SRGAP1: variants seen among roughly 807,000 people sequenced by gnomAD.
SRGAP1 encodes the protein SLIT-ROBO Rho GTPase activating protein 1.
In SRGAP1, 43 loss-of-function variants were observed where a neutral mutation model predicts 121.9. The ratio of observed to expected loss-of-function variants is 0.35; its 90% CI spans 0.28 to 0.46. The LOEUF (loss-of-function observed/expected upper bound fraction) is 0.46, where lower values mean the gene tolerates loss of function less well. Ranked by LOEUF, SRGAP1 falls within the 20% of genes least tolerant of loss-of-function variation. SRGAP1 has a pLI of 1.00. For missense variants in SRGAP1, 1,102 were observed against 1,350.9 expected, an observed-to-expected ratio of 0.82 and a Z score of 2.89; for synonymous variants, 447 against 485.4, an observed-to-expected ratio of 0.92 and a Z score of 1.04.
At chr12:63,874,273 G>A (rs563282714) in intron 1 of SRGAP1, among the ~76,000 whole-genome samples, 4 of 151,628 alleles carry the variant, frequency 2.6e-5, no homozygotes, top group South Asian at 4.2e-4. Context: ...GCACGATCTC[G>A]GCTCGCTGCA....
At position 64,086,935 on chromosome 12, in the gene SRGAP1, A is replaced by G. The variant is rs374735278; in HGVS notation, c.1409-64A>G. 1.4e-5 allele frequency: 17 copies of G among 1,242,568 alleles called. No homozygotes were observed. The African/African-American group carries it at 2.5e-4, about 19-fold the overall frequency. The allele number at this position is 1,242,568 out of a possible 1,614,324, so 77.0% of individuals were successfully genotyped here. A position where few individuals can be genotyped will look rare whatever the true frequency, so the allele number is the denominator to read the frequency against. ...TTAAAATACCGGATAGGAGATACAA[A>G]AGAGTACCACATACACTCTGCTGAT... is the stretch of plus-strand genomic sequence containing the variant. On this transcript the variant is annotated intron_variant, in intron 10 of 21. Coordinates refer to ENST00000355086, the MANE Select transcript of SRGAP1 (RefSeq NM_020762.4).
At chr12:63,949,396 TTTATTATTATTATTATTATTA>T (rs71089906) in intron 1 of SRGAP1, among the ~76,000 whole-genome samples, 10,354 of 126,018 alleles carry the variant, frequency 0.082, 502 homozygotes, top group Non-Finnish European at 0.11. Flanking sequence ...ATTTTTATTA[TTTATTATTATTATTATTATTA>T]TTATTATTAT....
Position 64,142,378 on chromosome 12 carries a change from G to T in SRGAP1, c.2964G>T (p.Val988=). The T allele has an allele frequency of 6.2e-7, 1 of 1,614,002 alleles. No individual in the cohort carries two copies. The highest frequency in any genetic ancestry group is 8.5e-7 in the Non-Finnish European group (1 of 1,180,000). Residue 988 remains valine (V), a synonymous_variant, in exon 22 of 22, where the codon GTG becomes GTT. Coordinates refer to ENST00000355086, the MANE Select transcript of SRGAP1 (RefSeq NM_020762.4). The part of the protein sequence containing the change: ...RQSTAKHAPD[V]VLDTLEQVKN... ...GCACAGCAAAGCATGCCCCTGATGTGGTGCTGGATACCCTGGAGCAAGTGA... is the reference window on the plus strand; with the variant it reads ...GCACAGCAAAGCATGCCCCTGATGTTGTGCTGGATACCCTGGAGCAAGTGA...
At chr12:64,137,187 C>G (rs1421715404) in intron 21 of SRGAP1, among the ~76,000 whole-genome samples, 1 of 151,822 alleles carries the variant, frequency 6.6e-6, no homozygotes, top group Non-Finnish European at 1.5e-5. Flanking sequence ...TCACTTGAAC[C>G]CAGGAGGCGG....
At chr12:63,861,009 T>G (rs144254164) in intron 1 of SRGAP1, among the ~76,000 whole-genome samples, 267 of 152,086 alleles carry the variant, frequency 1.8e-3, no homozygotes, top group African/African-American at 6.0e-3. Context: ...CCCTTTTACT[T>G]TTCTCATGGG....
chr12:63,865,224 A>T (rs902190718), intron 1 of SRGAP1, among the ~76,000 whole-genome samples: 1 of 152,166 alleles, frequency 6.6e-6, no homozygotes, highest in African/African-American at 2.4e-5. Context: ...TGGGAGGCTG[A>T]GGCGGGCAGA....
intron 1 of SRGAP1, among the ~76,000 whole-genome samples, chr12:63,845,938 A>G (rs1898889305): frequency 6.6e-6 from 1 of 152,216 alleles, no homozygotes; most frequent in African/African-American, 2.4e-5. Context: ...CCCTTGAGCA[A>G]GGGAGGAGCA....
intron 3 of SRGAP1, among the ~76,000 whole-genome samples, chr12:64,005,478 CA>C (rs1180947665): frequency 6.6e-6 from 1 of 151,868 alleles, no homozygotes. Context: ...CCCCATTTTA[CA>C]AAAATAAAAA....
At chr12:63,851,618 T>A (rs563790120) in intron 1 of SRGAP1, among the ~76,000 whole-genome samples, 1 of 151,202 alleles carries the variant, frequency 6.6e-6, no homozygotes, top group African/African-American at 2.4e-5. Flanking sequence ...GACCGAGTCT[T>A]GCTCTGTCAC....
At chr12:64,100,682 A>T (rs2036239493) in intron 15 of SRGAP1, among the ~76,000 whole-genome samples, 1 of 152,188 alleles carries the variant, frequency 6.6e-6, no homozygotes, top group African/African-American at 2.4e-5. Flanking sequence ...TTTCAAAAAC[A>T]TACATATTGA....
chr12:64,012,016 C>T (rs2034266539), intron 3 of SRGAP1, among the ~76,000 whole-genome samples: 1 of 151,682 alleles, frequency 6.6e-6, no homozygotes, highest in Admixed American at 6.6e-5. Context: ...GGGAGAATCT[C>T]AGGCCACTGC....
chr12:64,097,549 G>A (rs2036182782), intron 15 of SRGAP1, 174 bp downstream of exon 15: 1 of 657,668 alleles, frequency 1.5e-6, no homozygotes, highest in African/African-American at 1.9e-5. Flanking sequence ...TCCCAGCTGT[G>A]GCCTCACCCT....
Position 64,142,513 on chromosome 12 carries a change from C to T in SRGAP1, c.3099C>T (p.Asp1033=), listed in dbSNP as rs777788987. The T allele has an allele frequency of 6.2e-7, 1 of 1,614,216 alleles. No homozygotes were observed. Among genetic ancestry groups the T allele is most frequent in the East Asian group, 2.2e-5 (1 of 44,878 alleles). ...QIRRSTSSSS[D]TMSTFKPMVA... ...GACGTAGCACGAGCTCCTCCAGTGA[C>T]ACAATGAGTACTTTCAAGCCTATGG... Residue 1033 remains aspartate, a synonymous_variant, in exon 22 of 22, where the codon GAC becomes GAT. Coordinates refer to ENST00000355086, the MANE Select transcript of SRGAP1 (RefSeq NM_020762.4).
At chr12:63,867,077 C>T (rs1052509476) in intron 1 of SRGAP1, among the ~76,000 whole-genome samples, 4 of 152,058 alleles carry the variant, frequency 2.6e-5, no homozygotes, top group Admixed American at 2.0e-4. Flanking sequence ...TCTCGAACTC[C>T]TGGACTTAAG....
At chr12:64,141,272 T>TAAAAAA (rs977006357) in intron 21 of SRGAP1, among the ~76,000 whole-genome samples, 4 of 48,190 alleles carry the variant, frequency 8.3e-5, no homozygotes, top group African/African-American at 2.0e-4. Flanking sequence ...TAAAGTATAA[T>TAAAAAA]AAAAAAAAAA....
chr12:63,991,907 C>T (rs1336709638), intron 3 of SRGAP1, among the ~76,000 whole-genome samples: 1 of 152,174 alleles, frequency 6.6e-6, no homozygotes, highest in African/African-American at 2.4e-5. Context: ...CTGCAAGGAG[C>T]TCATTACAGT....
chr12:64,120,641 T>C (rs891084883), intron 18 of SRGAP1, among the ~76,000 whole-genome samples: 2 of 152,026 alleles, frequency 1.3e-5, no homozygotes, highest in Non-Finnish European at 2.9e-5. Context: ...TGAAGTTCAC[T>C]CTGAAACTGA....
intron 6 of SRGAP1, among the ~76,000 whole-genome samples, chr12:64,048,437 A>T (rs905118609): frequency 1.3e-5 from 2 of 152,124 alleles, no homozygotes; most frequent in Admixed American, 1.3e-4. Context: ...AATCTTGACT[A>T]TTGTGAATAG....
rs58637983 is a variant in SRGAP1 at position 63,951,152 on chromosome 12, C to CTTTTTTTTTTTTTTTT, written c.68-32781_68-32766dup. On this transcript the variant is annotated intron_variant, in intron 1 of 21. Coordinates refer to ENST00000355086, the MANE Select transcript of SRGAP1 (RefSeq NM_020762.4). ...GGGCTGGTCCATGCCATTTAGAACT[C>CTTTTTTTTTTTTTTTT]TTTTTTTTTTTTTTTTTTTTTTTTT... is the stretch of plus-strand genomic sequence containing the variant. 1.8e-4 allele frequency among the ~76,000 whole-genome samples: 8 copies of CTTTTTTTTTTTTTTTT among 44,142 alleles called. 1 individual carries two copies. Among genetic ancestry groups the CTTTTTTTTTTTTTTTT allele is most frequent in the African/African-American group, 6.7e-4 (8 of 11,888 alleles). 29.0% of individuals were successfully genotyped at this position (44,142 alleles called of 152,430 possible). A position where few individuals can be genotyped will look rare whatever the true frequency, so the allele number is the denominator to read the frequency against.
Sources: gnomAD v4.1 joint callset for allele counts (sites outside exome capture counted in the v4.1 genomes callset) on GRCh38, gnomAD v4.1.1 for gene constraint, MANE v1.5 for transcripts, NCBI Gene and HGNC (gene_info 2026-07-23, HGNC 2026-07-21) for gene names.